RIMS1: variants seen among roughly 807,000 people sequenced by gnomAD.
The protein encoded by RIMS1 is regulating synaptic membrane exocytosis 1, also known as regulating synaptic membrane exocytosis protein 1.
RIMS1 carries 83 observed loss-of-function variants against 214.1 expected under a neutral mutation model. That is an observed-to-expected ratio of 0.39 (90% CI 0.32 to 0.47). RIMS1 has a LOEUF of 0.47. RIMS1 is among the 20% of genes least tolerant of loss of function. The pLI is 0.99. For synonymous variants in RIMS1, 793 were observed against 786.8 expected, an observed-to-expected ratio of 1.01 and a Z score of -0.13; for missense variants, 2,050 against 2,161.8, an observed-to-expected ratio of 0.95 and a Z score of 1.03.
intron 4 of RIMS1, among the ~76,000 whole-genome samples, chr6:72,159,176 T>G (rs2044905346): frequency 7.1e-6 from 1 of 141,340 alleles, no homozygotes; most frequent in Non-Finnish European, 1.6e-5. Flanking sequence ...TCATGTGTCT[T>G]TTGGCTGCAT....
chr6:72,068,302 T>C (rs1257262108), intron 2 of RIMS1, among the ~76,000 whole-genome samples: 1 of 152,216 alleles, frequency 6.6e-6, no homozygotes, highest in East Asian at 1.9e-4. Context: ...TTTTATTGAT[T>C]TTCAGTTTAC....
intron 1 of RIMS1, among the ~76,000 whole-genome samples, chr6:71,940,470 A>G (rs371032840): frequency 2.6e-5 from 4 of 152,334 alleles, no homozygotes; most frequent in South Asian, 4.1e-4. Context: ...GGAATGGGTC[A>G]AAGAGAGTGC....
intron 18 of RIMS1, among the ~76,000 whole-genome samples, chr6:72,259,864 G>A (rs2077244253): frequency 6.6e-6 from 1 of 152,116 alleles, no homozygotes; most frequent in Non-Finnish European, 1.5e-5. Flanking sequence ...TTTTTAAAAT[G>A]GAGAAACTTT....
At chr6:71,993,218 A>G (rs1005246423) in intron 2 of RIMS1, among the ~76,000 whole-genome samples, 4 of 152,182 alleles carry the variant, frequency 2.6e-5, no homozygotes, top group Non-Finnish European at 5.9e-5. Context: ...ATCATTTTAA[A>G]AGAGAGAAAA....
chr6:72,196,926 T>C (rs1464350985), intron 6 of RIMS1, among the ~76,000 whole-genome samples: 1 of 152,072 alleles, frequency 6.6e-6, no homozygotes, highest in Non-Finnish European at 1.5e-5. Context: ...CAAGTTGGCA[T>C]GTTCATTCAG....
chr6:72,111,308 C>A (rs1275127362), intron 4 of RIMS1, among the ~76,000 whole-genome samples: 1 of 152,088 alleles, frequency 6.6e-6, no homozygotes, highest in Non-Finnish European at 1.5e-5. Context: ...TCATCTTCAC[C>A]ACCTTCCGTT....
Position 72,203,788 on chromosome 6 carries a change from A to C in RIMS1, c.1678+20639A>C, listed in dbSNP as rs187008283. ...ATCACTTGAGGGAGGAGATTTTTGA[A>C]AAACCTGCTAGTATTCAGGTCCCAA... On this transcript the variant is annotated intron_variant, in intron 6 of 33. Transcript: ENST00000521978. Among the ~76,000 whole-genome samples, 679 of 152,270 alleles carry C rather than the reference A, an allele frequency of 4.5e-3. 7 individuals are homozygous for C. Among genetic ancestry groups the C allele is most frequent in the African/African-American group, 0.016 (663 of 41,556 alleles).
intron 4 of RIMS1, among the ~76,000 whole-genome samples, chr6:72,169,675 G>C (rs529330408): frequency 6.6e-6 from 1 of 152,238 alleles, no homozygotes; most frequent in Non-Finnish European, 1.5e-5. Flanking sequence ...AGGCTAAGGC[G>C]GGCAGATTGC....
At position 71,943,619 on chromosome 6, in the gene RIMS1, A is replaced by C. The variant is rs562246361; in HGVS notation, c.165-25364A>C. On this transcript the variant is annotated intron_variant, in intron 1 of 33. Transcript: ENST00000521978. ...CATCAAAGGACCGGCTGTTAGTGTG[A>C]ATGCAGCATAATGCAAGCTGGTTAC... Among the ~76,000 whole-genome samples, 4 of 152,316 alleles carry C rather than the reference A, an allele frequency of 2.6e-5. No homozygotes were observed. The South Asian group carries it at 8.3e-4, about 32-fold the overall frequency.
chr6:72,242,370 G>A lies in RIMS1; in HGVS notation c.2014G>A (p.Val672Ile). 1.3e-6 allele frequency: 2 copies of A among 1,563,314 alleles called. No homozygotes were observed. The highest frequency in any genetic ancestry group is 2.4e-5 in the South Asian group (2 of 84,816). The change falls in exon 10 of 34, where the codon GTT (valine) becomes ATT (isoleucine). Residue 672 changes from valine (V) to isoleucine (I), a missense_variant. Val to Ile is a conservative substitution (Grantham distance 29). Transcript: ENST00000521978. ...CCTGCCGGGAGCTACAAATGAAGAA[G>A]TTTACAACATTATTTTAGAATCAAA... ...KPLPGATNEEVYNIILESKSE... is the reference protein window; with the variant it reads ...KPLPGATNEEIYNIILESKSE...
rs975639673 is a variant in RIMS1 at position 72,261,960 on chromosome 6, C to G, written c.3116+1193C>G. Reference sequence around the variant, plus strand: ...CAGGTTTATTATTACTTGTTCTTGACAAACAGTTTCTTAAAATAATGGTTT... The same window carrying G: ...CAGGTTTATTATTACTTGTTCTTGAGAAACAGTTTCTTAAAATAATGGTTT... On this transcript the variant is annotated intron_variant, in intron 19 of 33. Transcript: ENST00000521978. 3.0e-6 allele frequency: 3 copies of G among 984,128 alleles called. No individual in the cohort carries two copies. The East Asian group carries it at 3.4e-4, about 112-fold the overall frequency. 61.0% of individuals were successfully genotyped at this position (984,128 alleles called of 1,614,324 possible).
intron 1 of RIMS1, among the ~76,000 whole-genome samples, chr6:71,898,443 C>G (rs779550425): frequency 7.2e-5 from 11 of 152,030 alleles, no homozygotes; most frequent in Non-Finnish European, 1.2e-4. Flanking sequence ...ACTCTGTAAC[C>G]CATACATAAT....
chr6:71,918,853 G>A (rs1282979226), intron 1 of RIMS1, among the ~76,000 whole-genome samples: 1 of 152,144 alleles, frequency 6.6e-6, no homozygotes, highest in Non-Finnish European at 1.5e-5. Context: ...ATGTTAGAGT[G>A]AAAGGCGTTT....
At chr6:72,042,608 A>T (rs1210617698) in intron 2 of RIMS1, among the ~76,000 whole-genome samples, 2 of 151,876 alleles carry the variant, frequency 1.3e-5, no homozygotes, top group African/African-American at 4.8e-5. Flanking sequence ...CAATTTTTCC[A>T]AATTACTAAC....
intron 28 of RIMS1, among the ~76,000 whole-genome samples, chr6:72,315,256 G>A (rs998916306): frequency 3.9e-5 from 6 of 152,112 alleles, no homozygotes; most frequent in African/African-American, 9.7e-5. Context: ...TCATTGCTTC[G>A]TATGAATTTT....
chr6:72,252,812 G>A lies in RIMS1; in HGVS notation c.2750G>A (p.Gly917Asp), dbSNP rs750921054. The A allele has an allele frequency of 3.2e-6, 5 of 1,556,788 alleles. No homozygotes were observed. In the African/African-American group the frequency reaches 6.8e-5, roughly 21 times the overall value. Reference protein sequence around the residue: ...SDISDYEVDDGIGVVPPVGYR... With the variant: ...SDISDYEVDDDIGVVPPVGYR... ...ATCTCAGATTATGAGGTTGATGATG[G>A]TATTGGCGTAGTTCCTCCAGGTGCG... The change falls in exon 16 of 34, where the codon GGT becomes GAT. Residue 917 changes from glycine to aspartate, a missense_variant. Gly to Asp is a moderately conservative substitution (Grantham distance 94). Around this residue, in one of 6 missense-constraint regions of RIMS1, gnomAD observed 889 missense variants for 885.5 expected, o/e 1.00. Transcript: ENST00000521978.
At chr6:71,984,226 T>C (rs1799251928) in intron 2 of RIMS1, among the ~76,000 whole-genome samples, 1 of 152,100 alleles carries the variant, frequency 6.6e-6, no homozygotes, top group Admixed American at 6.6e-5. Context: ...CATCTCTCTA[T>C]TCTGAAATGC....
At chr6:72,000,664 G>C (rs966008338) in intron 2 of RIMS1, among the ~76,000 whole-genome samples, 4 of 152,116 alleles carry the variant, frequency 2.6e-5, no homozygotes, top group African/African-American at 9.7e-5. Flanking sequence ...TTTGACTGCT[G>C]CTCTTGCCAT....
intron 16 of RIMS1, among the ~76,000 whole-genome samples, chr6:72,254,362 A>T (rs1486684033): frequency 1.3e-5 from 2 of 152,196 alleles, no homozygotes; most frequent in African/African-American, 2.4e-5. Flanking sequence ...GTAATTACAC[A>T]CATTCTCAAC....
Sources: gnomAD v4.1 joint callset for allele counts (sites outside exome capture counted in the v4.1 genomes callset) on GRCh38, gnomAD v4.1.1 for gene constraint, gnomAD v4.1.1 regional missense constraint, MANE v1.5 for transcripts, NCBI Gene and HGNC (gene_info 2026-07-23, HGNC 2026-07-21) for gene names.